The following HS3ST2 variants were observed in gnomAD, a reference collection of about 807,000 sequenced individuals.
HS3ST2 encodes heparan sulfate-glucosamine 3-sulfotransferase 2, also known as heparan sulfate glucosamine 3-O-sulfotransferase 2.
HS3ST2 carries 17 observed loss-of-function variants against 26.3 expected under a neutral mutation model. The observed-to-expected ratio is 0.65, with a 90% CI of 0.44 to 0.97. The LOEUF (loss-of-function observed/expected upper bound fraction) is 0.97. Ranked by LOEUF, HS3ST2 falls within the 50% of genes least tolerant of loss-of-function variation. The pLI is 0.00. For missense variants in HS3ST2, 402 were observed against 501.2 expected (o/e 0.80, Z 1.89); for synonymous variants, 237 against 219.2 (o/e 1.08, Z -0.72).
At chr16:22,846,230 TC>T (rs1799755636) in intron 1 of HS3ST2, among the ~76,000 whole-genome samples, 1 of 151,508 alleles carries the variant, frequency 6.6e-6, no homozygotes, top group African/African-American at 2.4e-5. Context: ...TGAGCCGAGA[TC>T]ATGCCACTGC....
chr16:22,829,783 G>A (rs1482764124), intron 1 of HS3ST2, among the ~76,000 whole-genome samples: 5 of 152,254 alleles, frequency 3.3e-5, no homozygotes, highest in African/African-American at 1.2e-4. Flanking sequence ...TGCCTTATAG[G>A]TTGCTGTAGT....
chr16:22,829,044 T>C (rs962095107), intron 1 of HS3ST2, among the ~76,000 whole-genome samples: 1 of 152,214 alleles, frequency 6.6e-6, no homozygotes, highest in African/African-American at 2.4e-5. Context: ...ATCATTCAAA[T>C]GGCAATTGTG....
intron 1 of HS3ST2, among the ~76,000 whole-genome samples, chr16:22,841,242 T>C (rs1381571604): frequency 6.6e-6 from 1 of 152,138 alleles, no homozygotes; most frequent in Non-Finnish European, 1.5e-5. Context: ...TTTATATTTT[T>C]AGTAGAGACA....
At chr16:22,840,843 T>G (rs1901341603) in intron 1 of HS3ST2, among the ~76,000 whole-genome samples, 1 of 152,296 alleles carries the variant, frequency 6.6e-6, no homozygotes, top group East Asian at 1.9e-4. Context: ...CTTTAAGTTT[T>G]AGGGTACATG....
chr16:22,900,077 G>T (rs755790661), intron 1 of HS3ST2, among the ~76,000 whole-genome samples: 1 of 152,190 alleles, frequency 6.6e-6, no homozygotes, highest in Non-Finnish European at 1.5e-5. Context: ...TCTTGCACAG[G>T]TCCCTGGCCC....
chr16:22,904,789 G>A (rs979915523), intron 1 of HS3ST2, among the ~76,000 whole-genome samples: 3 of 152,208 alleles, frequency 2.0e-5, no homozygotes, highest in Non-Finnish European at 4.4e-5. Context: ...TGTGAGCAAC[G>A]AGAATGGTCG....
intron 1 of HS3ST2, among the ~76,000 whole-genome samples, chr16:22,851,174 T>C (rs1225466101): frequency 6.6e-6 from 1 of 152,216 alleles, no homozygotes; most frequent in Non-Finnish European, 1.5e-5. Flanking sequence ...AGCAAGTCAT[T>C]GAGGCCAGTC....
Position 22,915,100 on chromosome 16 carries a change from T to C in HS3ST2, c.642T>C (p.Asp214=), listed in dbSNP as rs1272492361. 1 of 1,614,028 alleles carries C rather than the reference T, an allele frequency of 6.2e-7. No homozygotes were observed. Among genetic ancestry groups the C allele is most frequent in the Non-Finnish European group, 8.5e-7 (1 of 1,179,990 alleles). Residue 214 remains aspartate, a synonymous_variant, in exon 2 of 2, where the codon GAT becomes GAC. Transcript: ENST00000261374. ...VRNPVTRAIS[D]YTQTLSKKPD... is the part of the protein sequence containing the mutation. ...ACCCTGTGACCCGTGCCATCTCTGA[T>C]TACACGCAGACACTCTCCAAGAAGC... is the stretch of plus-strand genomic sequence containing the variant.
chr16:22,816,428 G>A (rs1900870229), intron 1 of HS3ST2, among the ~76,000 whole-genome samples: 1 of 152,222 alleles, frequency 6.6e-6, no homozygotes, highest in East Asian at 1.9e-4. Context: ...GGGACCGCAG[G>A]CCTGATTTAG....
chr16:22,891,244 T>G (rs1382027600), intron 1 of HS3ST2, among the ~76,000 whole-genome samples: 2 of 152,172 alleles, frequency 1.3e-5, no homozygotes, highest in Non-Finnish European at 2.9e-5. Flanking sequence ...TTCAGACAGG[T>G]ACGAGGTTAA....
intron 1 of HS3ST2, among the ~76,000 whole-genome samples, chr16:22,877,033 C>T (rs1901929238): frequency 6.6e-6 from 1 of 152,184 alleles, no homozygotes; most frequent in South Asian, 2.1e-4. Flanking sequence ...ACAGTGTACA[C>T]TGCTTGGGTG....
chr16:22,890,756 G>A (rs955845091), intron 1 of HS3ST2, among the ~76,000 whole-genome samples: 2 of 152,184 alleles, frequency 1.3e-5, no homozygotes, highest in African/African-American at 4.8e-5. Context: ...TAGAAACCAC[G>A]TCAGGCAGAT....
At chr16:22,874,209 T>C (rs1045700832) in intron 1 of HS3ST2, among the ~76,000 whole-genome samples, 3 of 152,332 alleles carry the variant, frequency 2.0e-5, no homozygotes, top group African/African-American at 7.2e-5. Context: ...CTTCAACTTC[T>C]AGTTGTCAAC....
chr16:22,869,706 A>G (rs1172495632), intron 1 of HS3ST2, among the ~76,000 whole-genome samples: 2 of 152,202 alleles, frequency 1.3e-5, no homozygotes, highest in African/African-American at 4.8e-5. Flanking sequence ...CCATAATTCA[A>G]TCACCTCCCA....
chr16:22,832,107 C>T (rs984945697), intron 1 of HS3ST2, among the ~76,000 whole-genome samples: 2 of 151,050 alleles, frequency 1.3e-5, no homozygotes, highest in Admixed American at 1.3e-4. Context: ...TTCAGCTTCC[C>T]GAGTAGCTGG....
At chr16:22,853,590 C>T (rs1287686772) in intron 1 of HS3ST2, among the ~76,000 whole-genome samples, 1 of 152,142 alleles carries the variant, frequency 6.6e-6, no homozygotes, top group Non-Finnish European at 1.5e-5. Context: ...GGATGATCGG[C>T]ATTGGTTTCA....
rs1250531931 is a variant in HS3ST2 at position 22,814,296 on chromosome 16, T to C, written c.-315T>C. 3 of 274,840 alleles carry C rather than the reference T, an allele frequency of 1.1e-5. No homozygotes were observed. The allele number at this position is 274,840 out of a possible 1,614,324, so 17.0% of individuals were successfully genotyped here. On this transcript the variant is annotated 5_prime_UTR_variant, in exon 1 of 2. Coordinates refer to ENST00000261374, the MANE Select transcript of HS3ST2 (RefSeq NM_006043.2). Reference sequence around the variant, plus strand: ...GGATCAGGAATGGGGCTTCGGGCGCTGGGCGCGCTCCGAACCCGGCGCACG... The same window carrying C: ...GGATCAGGAATGGGGCTTCGGGCGCCGGGCGCGCTCCGAACCCGGCGCACG...
At chr16:22,914,023 G>A (rs1004633276) in intron 1 of HS3ST2, among the ~76,000 whole-genome samples, 8 of 151,822 alleles carry the variant, frequency 5.3e-5, no homozygotes, top group East Asian at 3.9e-4. Context: ...CTGTAGTCCC[G>A]GCTTCTTGAG....
chr16:22,873,595 T>G (rs1002534571), intron 1 of HS3ST2, among the ~76,000 whole-genome samples: 2 of 152,212 alleles, frequency 1.3e-5, no homozygotes, highest in African/African-American at 2.4e-5. Context: ...TGGGCAGATA[T>G]CCTAGTCTAC....
Sources: gnomAD v4.1 joint callset for allele counts (sites outside exome capture counted in the v4.1 genomes callset) on GRCh38, gnomAD v4.1.1 for gene constraint, MANE v1.5 for transcripts, NCBI Gene and HGNC (gene_info 2026-07-23, HGNC 2026-07-21) for gene names.